EYS: variants seen among roughly 807,000 people sequenced by gnomAD.
EYS encodes protein eyes shut homolog.
In EYS, 250 loss-of-function variants were observed where a neutral mutation model predicts 282.1. The ratio of observed to expected loss-of-function variants is 0.89; its 90% CI spans 0.80 to 0.98. EYS has a LOEUF of 0.98. EYS is among the 50% of genes least tolerant of loss of function. The probability of loss-of-function intolerance (pLI) is 0.00; values close to 1 mark genes in which losing one functional copy is unlikely to be tolerated. For synonymous variants in EYS, 1,355 were observed against 1,282.9 expected (o/e 1.06, Z -1.20); for missense variants, 4,016 against 3,709.0 (o/e 1.08, Z -2.15).
intron 12 of EYS, among the ~76,000 whole-genome samples, chr6:65,078,760 T>C (rs1183489567): frequency 6.6e-6 from 1 of 151,976 alleles, no homozygotes; most frequent in Non-Finnish European, 1.5e-5. Flanking sequence ...AAATCTCATG[T>C]TGAATTGTAA....
chr6:64,073,520 C>A (rs1771663006), intron 32 of EYS, among the ~76,000 whole-genome samples: 1 of 151,524 alleles, frequency 6.6e-6, no homozygotes, highest in Admixed American at 6.6e-5. Context: ...TTTTCAAACA[C>A]AATTATGGTA....
intron 26 of EYS, among the ~76,000 whole-genome samples, chr6:64,516,583 G>A (rs907146239): frequency 4.1e-5 from 3 of 74,072 alleles, no homozygotes; most frequent in African/African-American, 1.3e-4. Flanking sequence ...TTCACTTGAA[G>A]TTGAGTCTGA....
intron 5 of EYS, among the ~76,000 whole-genome samples, chr6:65,480,179 A>G (rs1342134294): frequency 1.3e-5 from 2 of 152,046 alleles, no homozygotes; most frequent in Non-Finnish European, 2.9e-5. Context: ...AGTAAAATTA[A>G]TTAATTAATT....
At chr6:65,331,369 A>G in intron 11 of EYS, 1 of 758,050 alleles carries the variant, frequency 1.3e-6, no homozygotes, top group Non-Finnish European at 1.6e-6. Context: ...GGAGAATTAG[A>G]GCATCTTTTT....
chr6:64,902,696 A>G (rs1767705730), intron 16 of EYS, among the ~76,000 whole-genome samples, 196 bp from the exon 17 acceptor site: 1 of 152,176 alleles, frequency 6.6e-6, no homozygotes, highest in Non-Finnish European at 1.5e-5. Flanking sequence ...TAGATTAATG[A>G]GTTTAAATGA....
chr6:64,852,987 A>G (rs1765932310), intron 19 of EYS, among the ~76,000 whole-genome samples: 1 of 152,160 alleles, frequency 6.6e-6, no homozygotes, highest in Admixed American at 6.6e-5. Context: ...AAATATAGGA[A>G]AAGATAAGGC....
chr6:64,484,254 A>G (rs1319724121), intron 26 of EYS, among the ~76,000 whole-genome samples: 1 of 151,578 alleles, frequency 6.6e-6, no homozygotes, highest in African/African-American at 2.4e-5. Flanking sequence ...GAATACCTTC[A>G]CCCAATACTG....
chr6:65,178,657 C>A (rs1237297734), intron 12 of EYS, among the ~76,000 whole-genome samples: 1 of 151,940 alleles, frequency 6.6e-6, no homozygotes, highest in East Asian at 2.0e-4. Context: ...ATCAAAGAGA[C>A]AGAAAGTTAA....
At chr6:63,762,780 GAA>G in intron 40 of EYS, 147 bp from the exon 41 acceptor site, 1 of 753,448 alleles carries the variant, frequency 1.3e-6, no homozygotes, top group African/African-American at 1.8e-5. Flanking sequence ...ATTGTCAAAG[GAA>G]AGAGTTAATA....
intron 13 of EYS, among the ~76,000 whole-genome samples, chr6:65,038,988 T>A (rs1307630450): frequency 6.6e-6 from 1 of 151,554 alleles, no homozygotes; most frequent in East Asian, 1.9e-4. Context: ...ATTCATTTTC[T>A]AAATAGTATC....
chr6:65,603,864 A>G (rs991972234), intron 2 of EYS, among the ~76,000 whole-genome samples: 2 of 151,986 alleles, frequency 1.3e-5, no homozygotes, highest in Non-Finnish European at 2.9e-5. Context: ...ACATTTAAAA[A>G]TAAAACTGCT....
intron 39 of EYS, among the ~76,000 whole-genome samples, chr6:63,781,688 T>C (rs184260841): frequency 6.6e-6 from 1 of 152,220 alleles, no homozygotes; most frequent in Non-Finnish European, 1.5e-5. Context: ...AATCATGTCA[T>C]CTGCAAACAG....
At chr6:63,853,546 T>C (rs1311986502) in intron 36 of EYS, among the ~76,000 whole-genome samples, 2 of 152,174 alleles carry the variant, frequency 1.3e-5, no homozygotes, top group Non-Finnish European at 2.9e-5. Flanking sequence ...GTCGTGCAAA[T>C]GGCCATACTG....
chr6:64,579,891 G>C (rs1275273692), intron 26 of EYS, among the ~76,000 whole-genome samples: 1 of 152,090 alleles, frequency 6.6e-6, no homozygotes, highest in Admixed American at 6.6e-5. Context: ...TAGCTGCCTG[G>C]AGTCTTGTGG....
At chr6:64,466,532 T>C (rs1446408756) in intron 26 of EYS, among the ~76,000 whole-genome samples, 2 of 152,098 alleles carry the variant, frequency 1.3e-5, no homozygotes, top group Non-Finnish European at 2.9e-5. Flanking sequence ...CTTACTTACA[T>C]GTGGAATCTA....
At chr6:65,557,354 T>A (rs1288708814) in intron 2 of EYS, among the ~76,000 whole-genome samples, 1 of 152,206 alleles carries the variant, frequency 6.6e-6, no homozygotes, top group Non-Finnish European at 1.5e-5. Flanking sequence ...CAGGCAGGCA[T>A]GCCAGCTACT....
intron 1 of EYS, among the ~76,000 whole-genome samples, chr6:65,681,794 G>A (rs1768832629): frequency 6.6e-6 from 1 of 151,852 alleles, no homozygotes; most frequent in Non-Finnish European, 1.5e-5. Flanking sequence ...CCTTTGAGAT[G>A]TAAAGAATCT....
In EYS at chr6:64,366,781, T is replaced by C. The variant is rs547474979; in HGVS notation, c.6078+21909A>G. 9.9e-5 allele frequency among the ~76,000 whole-genome samples: 15 copies of C among 152,140 alleles called. No homozygotes were observed. The East Asian group carries it at 2.5e-3, about 26-fold the overall frequency. The stretch of plus-strand genomic sequence containing the variant: ...GCAATGTGGACAATAGGAAGAAAAC[T>C]TAATGATCTTGTGATCTGAGTAGGA... On this transcript the variant is annotated intron_variant, in intron 29 of 42. Transcript: ENST00000503581.
intron 15 of EYS, among the ~76,000 whole-genome samples, chr6:64,931,960 A>C (rs1408434750): frequency 1.3e-5 from 2 of 152,158 alleles, no homozygotes; most frequent in African/African-American, 4.8e-5. Context: ...TTTCTGTAAT[A>C]GCAGAGGAAG....
Sources: gnomAD v4.1 joint callset for allele counts (sites outside exome capture counted in the v4.1 genomes callset) on GRCh38, gnomAD v4.1.1 for gene constraint, MANE v1.5 for transcripts, NCBI Gene and HGNC (gene_info 2026-07-23, HGNC 2026-07-21) for gene names.